MYLIP: variants seen among roughly 807,000 people sequenced by gnomAD.
The protein encoded by MYLIP is E3 ubiquitin-protein ligase MYLIP.
A neutral mutation model predicts 45.8 loss-of-function variants in MYLIP; 26 were observed. The ratio of observed to expected loss-of-function variants is 0.57; its 90% CI spans 0.42 to 0.79. MYLIP has a LOEUF of 0.79. Among genes scored for constraint, MYLIP ranks in the 30% least tolerant of loss-of-function variants. The pLI is 0.00. For synonymous variants in MYLIP, 213 were observed against 218.1 expected (o/e 0.98, Z 0.21); for missense variants, 494 against 555.6 (o/e 0.89, Z 1.11).
At chr6:16,142,173 A>T (rs1475125842) in intron 3 of MYLIP, among the ~76,000 whole-genome samples, 1 of 152,256 alleles carries the variant, frequency 6.6e-6, no homozygotes, top group Non-Finnish European at 1.5e-5. Flanking sequence ...CCAAAAGAAG[A>T]TGAATCTGTG....
intron 2 of MYLIP, among the ~76,000 whole-genome samples, chr6:16,134,134 C>T (rs1008258605): frequency 9.9e-5 from 15 of 152,236 alleles, no homozygotes; most frequent in African/African-American, 3.1e-4. Context: ...CATATACTTA[C>T]GTGGTAATTT....
At chr6:16,161,582 G>C in the MYLIP span, among the ~76,000 whole-genome samples, 2 of 152,318 alleles carry the variant, frequency 1.3e-5, no homozygotes, top group Middle Eastern at 3.4e-3. Context: ...TCCTCAGGCT[G>C]TTTTCTTCAG....
intron 2 of MYLIP, among the ~76,000 whole-genome samples, chr6:16,131,797 C>T (rs1759465170): frequency 6.6e-6 from 1 of 152,140 alleles, no homozygotes. Flanking sequence ...AAATACTTAT[C>T]ATTTGAATTT....
chr6:16,142,854 G>A (rs1011787293), intron 3 of MYLIP, among the ~76,000 whole-genome samples, 166 bp from the exon 4 acceptor site: 2 of 152,148 alleles, frequency 1.3e-5, no homozygotes, highest in Non-Finnish European at 2.9e-5. Flanking sequence ...TGTCTTAGAC[G>A]TTTTTTATAG....
At chr6:16,155,217 C>T in the MYLIP span, among the ~76,000 whole-genome samples, 1 of 152,138 alleles carries the variant, frequency 6.6e-6, no homozygotes, top group Non-Finnish European at 1.5e-5. Flanking sequence ...TGTTCCAGGC[C>T]CACACCCACC....
chr6:16,138,227 T>C (rs149989070), intron 2 of MYLIP, among the ~76,000 whole-genome samples: 1,613 of 152,256 alleles, frequency 0.011, 27 homozygotes, highest in African/African-American at 0.037. Flanking sequence ...TCATCTACTT[T>C]TGATCTTTAG....
At chr6:16,136,405 A>G (rs977247106) in intron 2 of MYLIP, among the ~76,000 whole-genome samples, 5 of 152,156 alleles carry the variant, frequency 3.3e-5, no homozygotes, top group Non-Finnish European at 7.4e-5. Flanking sequence ...ATTGTCCTAT[A>G]TATCAGTGGT....
At chr6:16,145,774 A>C (rs1759777559) in intron 6 of MYLIP, among the ~76,000 whole-genome samples, 2 of 152,220 alleles carry the variant, frequency 1.3e-5, no homozygotes, top group South Asian at 4.2e-4. Flanking sequence ...TTGGTGATTA[A>C]TTTCCTTTTA....
In MYLIP at chr6:16,145,135, A is replaced by T; in HGVS notation, c.1066A>T (p.Ser356Cys). Residue 356 changes from serine to cysteine, a missense_variant, in exon 6 of 7, where the codon AGC (serine) becomes TGC (cysteine). Physicochemically the swap from Ser to Cys is moderately radical, Grantham distance 112 (BLOSUM62 -1). Coordinates refer to ENST00000356840, the MANE Select transcript of MYLIP (RefSeq NM_013262.4). ...PSHSPLKSSE[S>C]SMNCSSCEGL... ...ACACTCGCCTCTGAAGTCCTCAGAA[A>T]GCAGCATGAACTGCAGCAGCTGCGA... 5.0e-6 allele frequency: 8 copies of T among 1,614,212 alleles called. No individual in the cohort carries two copies. Among genetic ancestry groups the T allele is most frequent in the Non-Finnish European group, 6.8e-6 (8 of 1,180,036 alleles).
At chr6:16,162,938 G>A in the MYLIP span, among the ~76,000 whole-genome samples, 2 of 152,132 alleles carry the variant, frequency 1.3e-5, no homozygotes, top group African/African-American at 4.8e-5. Flanking sequence ...GATTCAGAAA[G>A]ATGACACGCC....
At chr6:16,163,612 A>G in the MYLIP span, 1 of 152,038 alleles carries the variant, frequency 6.6e-6, no homozygotes, top group South Asian at 2.1e-4. Context: ...AGTCTCCCTC[A>G]CTGAGTCAGC....
At chr6:16,161,459 T>C in the MYLIP span, 1 of 159,016 alleles carries the variant, frequency 6.3e-6, no homozygotes, top group Non-Finnish European at 1.4e-5. Flanking sequence ...AGGAGGAAAA[T>C]TGCTGGTGGG....
intron 3 of MYLIP, 83 bp downstream of exon 3, chr6:16,141,893 C>A: frequency 7.7e-7 from 1 of 1,293,372 alleles, no homozygotes; most frequent in Non-Finnish European, 1.1e-6. Flanking sequence ...AAACTAATCA[C>A]ACATAATATG....
intron 3 of MYLIP, among the ~76,000 whole-genome samples, chr6:16,142,218 C>T (rs1455557241): frequency 3.9e-5 from 6 of 152,166 alleles, no homozygotes; most frequent in African/African-American, 1.4e-4. Flanking sequence ...TAAGACTGGG[C>T]CATTGCCCAA....
intron 1 of MYLIP, among the ~76,000 whole-genome samples, chr6:16,130,340 C>T (rs1189421933): frequency 2.0e-5 from 3 of 152,146 alleles, no homozygotes; most frequent in Non-Finnish European, 4.4e-5. Context: ...TGCAATTGGT[C>T]ATGCCCTAGA....
At chr6:16,159,411 T>A in the MYLIP span, among the ~76,000 whole-genome samples, 2 of 152,208 alleles carry the variant, frequency 1.3e-5, no homozygotes, top group African/African-American at 4.8e-5. Flanking sequence ...TTCATGGGAC[T>A]CTAAACACTG....
In MYLIP at chr6:16,143,021, A is replaced by G. The variant is rs368767683; in HGVS notation, c.466A>G (p.Ile156Val). 1.7e-5 allele frequency: 27 copies of G among 1,613,534 alleles called. No individual in the cohort carries two copies. Among genetic ancestry groups the G allele is most frequent in the African/African-American group, 4.0e-5 (3 of 74,900 alleles). The change falls in exon 4 of 7, where the codon ATT becomes GTT. Residue 156 changes from isoleucine (I) to valine (V), a missense_variant and splice_region_variant. Coordinates refer to ENST00000356840, the MANE Select transcript of MYLIP (RefSeq NM_013262.4). ...KELSSATLNS[I>V]VAKHKELEGT... ...CTCTGTCCTCTTGGTGTCCTCCAGC[A>G]TTGTTGCAAAACATAAGGAGTTGGA...
Position 16,129,248 on chromosome 6 carries a change from T to C in MYLIP, c.-75T>C. The C allele has an allele frequency of 1.4e-6, 2 of 1,466,094 alleles. No individual in the cohort carries two copies. The highest frequency in any genetic ancestry group is 1.9e-6 in the Non-Finnish European group (2 of 1,076,190). 90.8% of individuals were successfully genotyped at this position (1,466,094 alleles called of 1,614,324 possible). ...AGCCCTCTCCGAGTCCGGGGCTGGG[T>C]CCCACCAGTGACAAGGCGGCAGCCC... On this transcript the variant is annotated 5_prime_UTR_variant, in exon 1 of 7. Transcript: ENST00000356840. The surrounding 1 kb of genome is among the most constrained non-coding windows in gnomAD (Gnocchi z 5.1).
downstream of MYLIP, among the ~76,000 whole-genome samples, chr6:16,149,146 C>T (rs544026160): frequency 9.9e-5 from 15 of 152,222 alleles, no homozygotes; most frequent in East Asian, 3.9e-4. Context: ...TGTCTCTGCG[C>T]GGAAGTTAGA....
Sources: gnomAD v4.1 joint callset for allele counts (sites outside exome capture counted in the v4.1 genomes callset) on GRCh38, gnomAD v4.1.1 for gene constraint, Gnocchi (gnomAD v3.1) non-coding constraint, MANE v1.5 for transcripts, NCBI Gene and HGNC (gene_info 2026-07-23, HGNC 2026-07-21) for gene names.